Variants in OCM2 observed in about 807,000 individuals in gnomAD.
OCM2 encodes oncomodulin-2.
A neutral mutation model predicts 13.6 loss-of-function variants in OCM2; 6 were observed. The ratio of observed to expected loss-of-function variants is 0.44; its 90% CI spans 0.24 to 0.87. The LOEUF is 0.87. OCM2 is among the 40% of genes least tolerant of loss of function. The pLI is 0.22. For synonymous variants in OCM2, 40 were observed against 50.7 expected (o/e 0.79, Z 0.90); for missense variants, 118 against 136.8 (o/e 0.86, Z 0.68).
chr7:97,985,142 C>T (rs1275682034), intron 3 of OCM2, among the ~76,000 whole-genome samples, 159 bp from the exon 4 acceptor site: 12 of 152,032 alleles, frequency 7.9e-5, no homozygotes, highest in South Asian at 4.1e-4. Context: ...AAAAACTGGC[C>T]GGGCACAGTG....
intron 3 of OCM2, among the ~76,000 whole-genome samples, chr7:97,986,100 G>A (rs1794668828): frequency 6.6e-6 from 1 of 152,068 alleles, no homozygotes; most frequent in South Asian, 2.1e-4. Context: ...TTTCAATAGA[G>A]ATGGGGTTTA....
chr7:97,990,052 T>C, exon 1 of OCM2: 2 of 1,350,168 alleles, frequency 1.5e-6, no homozygotes, highest in Non-Finnish European at 2.1e-6. Flanking sequence ...ACCTTGGCAT[T>C]CCTGGAGCGC....
Position 97,987,040 on chromosome 7 carries a change from G to A in OCM2, c.304+7C>T, listed in dbSNP as rs756818210. 5 of 1,612,748 alleles carry A rather than the reference G, an allele frequency of 3.1e-6. No individual in the cohort carries two copies. In the East Asian group the frequency reaches 8.9e-5, roughly 29 times the overall value. On this transcript the variant is annotated splice_region_variant and intron_variant, in intron 3 of 3. Coordinates refer to ENST00000257627, the Ensembl canonical transcript of OCM2. Reference sequence around the variant, plus strand: ...GTGTTTTATGCTACGTACACGTGTGGACATACCCTCTGCTCCAATTTTCCC... The same window carrying A: ...GTGTTTTATGCTACGTACACGTGTGAACATACCCTCTGCTCCAATTTTCCC...
At chr7:97,988,583 T>C (rs763717656) in intron 1 of OCM2, 35 bp from the exon 2 acceptor site, 30 of 1,613,570 alleles carry the variant, frequency 1.9e-5, no homozygotes, top group Non-Finnish European at 2.5e-5. Flanking sequence ...CTGACACTCA[T>C]TGGATCACAT....
chr7:97,988,902 G>A lies in OCM2; in HGVS notation c.62-354C>T, dbSNP rs148789311. On this transcript the variant is annotated intron_variant, in intron 1 of 3. Transcript: ENST00000257627. ...GAAATGCAATCACTGGATTTCAACA[G>A]GCTAAATGGCCTTTGGCGATTTCTT... is the stretch of plus-strand genomic sequence containing the variant. Among the ~76,000 whole-genome samples, 1,331 of 151,450 alleles carry A rather than the reference G, an allele frequency of 8.8e-3. 20 individuals carry two copies. Among genetic ancestry groups the A allele is most frequent in the African/African-American group, 0.026 (1,083 of 41,172 alleles).
intron 2 of OCM2, among the ~76,000 whole-genome samples, chr7:97,988,094 G>A (rs1250897132): frequency 4.6e-5 from 7 of 152,032 alleles, no homozygotes; most frequent in Non-Finnish European, 5.9e-5. Context: ...GGGAGACTGA[G>A]GCATGAGAAT....
At chr7:97,988,384 C>T (rs768895945) in intron 2 of OCM2, 32 bp downstream of exon 2, 4 of 1,613,208 alleles carry the variant, frequency 2.5e-6, no homozygotes, top group African/African-American at 1.3e-5. Flanking sequence ...CCAGCAGTGC[C>T]AGGTACCAGA....
intron 1 of OCM2, among the ~76,000 whole-genome samples, chr7:97,989,000 G>A (rs34324646): frequency 0.094 from 13,845 of 147,574 alleles, 707 homozygotes; most frequent in South Asian, 0.14. Flanking sequence ...GCGTGATCTC[G>A]GCTCACTGCA....
chr7:97,985,456 A>AAAG (rs1794661475), intron 3 of OCM2, among the ~76,000 whole-genome samples: 2 of 151,406 alleles, frequency 1.3e-5, no homozygotes. Flanking sequence ...AGAAAGAAAG[A>AAAG]AAAAAACCCT....
chr7:97,986,558 T>C (rs1180394350), intron 3 of OCM2, among the ~76,000 whole-genome samples: 1 of 152,168 alleles, frequency 6.6e-6, no homozygotes, highest in African/African-American at 2.4e-5. Context: ...TTGTTCTCTG[T>C]TTAATATTAT....
intron 3 of OCM2, 151 bp downstream of exon 3, chr7:97,986,896 C>T (rs975353280): frequency 3.0e-5 from 39 of 1,302,182 alleles, no homozygotes; most frequent in Middle Eastern, 5.2e-4. Flanking sequence ...TGCATCCTTA[C>T]TTTAGTCTCA....
At chr7:97,987,757 A>G (rs1342627344) in intron 2 of OCM2, among the ~76,000 whole-genome samples, 1 of 152,192 alleles carries the variant, frequency 6.6e-6, no homozygotes, top group East Asian at 1.9e-4. Flanking sequence ...ATCTGGGCTC[A>G]CTGCAACCTC....
At chr7:97,985,055 A>G (rs1024268482) in intron 3 of OCM2, 72 bp from the exon 4 acceptor site, 1 of 1,604,726 alleles carries the variant, frequency 6.2e-7, no homozygotes, top group Non-Finnish European at 8.5e-7. Flanking sequence ...GTGGCCAGTG[A>G]GAATTCCAAA....
At chr7:97,988,921 A>G (rs1380145787) in intron 1 of OCM2, among the ~76,000 whole-genome samples, 2 of 140,980 alleles carry the variant, frequency 1.4e-5, no homozygotes, top group African/African-American at 5.5e-5. Flanking sequence ...GCCTTTGGCG[A>G]TTTCTTTCTT....
chr7:97,989,814 C>T (rs1261215431), intron 1 of OCM2, among the ~76,000 whole-genome samples: 2 of 151,058 alleles, frequency 1.3e-5, no homozygotes, highest in East Asian at 3.9e-4. Context: ...CCCACCACCA[C>T]GCCTGGCTAA....
intron 3 of OCM2, among the ~76,000 whole-genome samples, chr7:97,986,214 G>A (rs1405250289): frequency 5.3e-5 from 8 of 152,096 alleles, no homozygotes; most frequent in East Asian, 3.8e-4. Flanking sequence ...CGCCCAGCCC[G>A]TGGTTATGTT....
exon 1 of OCM2, chr7:97,990,126 T>C (rs1251790422): frequency 1.2e-5 from 18 of 1,531,526 alleles, no homozygotes; most frequent in Non-Finnish European, 1.6e-5. Context: ...TCACACAGAA[T>C]AAACGAGAGG....
intron 2 of OCM2, among the ~76,000 whole-genome samples, chr7:97,987,975 T>G (rs1281955131): frequency 6.6e-6 from 1 of 152,112 alleles, no homozygotes; most frequent in Non-Finnish European, 1.5e-5. Context: ...GAGGATCACT[T>G]GAAGTCAGGA....
At position 97,987,532 on chromosome 7, in the gene OCM2, T is replaced by C. The variant is rs574776588; in HGVS notation, c.195-376A>G. On this transcript the variant is annotated intron_variant, in intron 2 of 3. Transcript: ENST00000257627. Reference sequence around the variant, plus strand: ...CACTAACATTTGTATTTTTTTTTTGTAGAGACAAGGTTTTGTCATGTTGCC... The same window carrying C: ...CACTAACATTTGTATTTTTTTTTTGCAGAGACAAGGTTTTGTCATGTTGCC... Among the ~76,000 whole-genome samples, 46 of 151,912 alleles carry C rather than the reference T, an allele frequency of 3.0e-4. No homozygotes were observed. In the Middle Eastern group the frequency reaches 0.01, roughly 34 times the overall value.
Sources: allele counts gnomAD v4.1 joint callset (sites outside exome capture counted in the v4.1 genomes callset), GRCh38; gene constraint gnomAD v4.1.1; transcripts MANE v1.5; gene names NCBI Gene and HGNC (gene_info 2026-07-23, HGNC 2026-07-21).